ARG2: variants seen among roughly 807,000 people sequenced by gnomAD.
ARG2 encodes arginase 2, also known as arginase-2, mitochondrial.
Under a neutral mutation model 39.4 loss-of-function variants are expected in ARG2, and 21 were observed. The observed-to-expected ratio is 0.53, with a 90% CI of 0.38 to 0.77. ARG2 has a LOEUF of 0.77. Ranked by LOEUF, ARG2 falls within the 30% of genes least tolerant of loss-of-function variation. The probability of loss-of-function intolerance (pLI) is 0.00; values close to 1 mark genes in which losing one functional copy is unlikely to be tolerated. For synonymous variants in ARG2, 150 were observed against 156.7 expected (o/e 0.96, Z 0.32); for missense variants, 378 against 426.2 (o/e 0.89, Z 1.00).
At chr14:67,646,869 T>G in intron 5 of ARG2, 52 bp from the exon 6 acceptor site, 1 of 1,423,466 alleles carries the variant, frequency 7.0e-7, no homozygotes, top group South Asian at 1.2e-5. Flanking sequence ...AATACATATT[T>G]GTTAAAAATG....
chr14:67,651,024 A>T lies in ARG2; in HGVS notation c.*104A>T. 3 of 1,195,128 alleles carry T rather than the reference A, an allele frequency of 2.5e-6. No individual in the cohort carries two copies. The highest frequency in any genetic ancestry group is 2.0e-5 in the Admixed American group (1 of 49,920). The allele number at this position is 1,195,128 out of a possible 1,614,324, so 74.0% of individuals were successfully genotyped here. ...GGTTGTCTGGGTCAATACTGCCTTA[A>T]TGAGAACATTTACACATTCTCACAA... On this transcript the variant is annotated 3_prime_UTR_variant, in exon 8 of 8. Transcript: ENST00000261783.
rs1216784181 is a variant in ARG2 at position 67,645,867 on chromosome 14, T to TC, written c.522+66dup. On this transcript the variant is annotated intron_variant, in intron 4 of 7. Transcript: ENST00000261783. ...AGGGTTTTGCTGGAGTTGGTCTAGT[T>TC]CAGTTAAGATTTTGGTGAAGGGTGG... 193 of 1,566,714 alleles carry TC rather than the reference T, an allele frequency of 1.2e-4. 1 individual carries two copies. The highest frequency in any genetic ancestry group is 3.2e-5 in the Non-Finnish European group (37 of 1,151,438).
intron 1 of ARG2, 108 bp from the exon 2 acceptor site, chr14:67,620,786 G>A (rs1360234285): frequency 6.8e-6 from 7 of 1,025,856 alleles, no homozygotes; most frequent in African/African-American, 6.4e-5. Flanking sequence ...TGGAAGGGCT[G>A]ATGCTGTCAC....
At chr14:67,637,410 CAA>C (rs34746542) in intron 2 of ARG2, among the ~76,000 whole-genome samples, 9,689 of 102,256 alleles carry the variant, frequency 0.095, 215 homozygotes, top group South Asian at 0.25. Context: ...GACTCTGTCT[CAA>C]AAAAAAAAAA....
rs915934412 is a variant in ARG2 at position 67,625,406 on chromosome 14, C to T, written c.184+4440C>T. Among the ~76,000 whole-genome samples the T allele has an allele frequency of 6.6e-5, 10 of 152,204 alleles. 1 individual carries two copies. In the South Asian group the frequency reaches 1.0e-3, roughly 16 times the overall value. ...CTATTAAGAAAGTGGGGGCCAGGCA[C>T]GGTGGCTCACGCCTGTAATCCCAGC... On this transcript the variant is annotated intron_variant, in intron 2 of 7. Transcript: ENST00000261783.
chr14:67,642,793 CTTTTTTTTTTTTTTT>C (rs869215946), intron 3 of ARG2, among the ~76,000 whole-genome samples: 9 of 75,558 alleles, frequency 1.2e-4, no homozygotes, highest in African/African-American at 3.8e-4. Context: ...ACTACATTTT[CTTTTTTTTTTTTTTT>C]TTTTTTTTTT....
intron 2 of ARG2, among the ~76,000 whole-genome samples, chr14:67,639,261 G>C (rs2037005021): frequency 6.6e-6 from 1 of 152,122 alleles, no homozygotes; most frequent in Non-Finnish European, 1.5e-5. Context: ...TTGCATGATT[G>C]GACTTGGGTA....
chr14:67,620,589 T>C (rs530954981), intron 1 of ARG2, among the ~76,000 whole-genome samples: 2 of 152,156 alleles, frequency 1.3e-5, no homozygotes, highest in Non-Finnish European at 2.9e-5. Flanking sequence ...AGCTGTTTTG[T>C]TCTCTTCAAT....
At chr14:67,631,568 TG>T (rs2036919717) in intron 2 of ARG2, among the ~76,000 whole-genome samples, 1 of 151,776 alleles carries the variant, frequency 6.6e-6, no homozygotes, top group South Asian at 2.1e-4. Context: ...CCCAAGTAGC[TG>T]GAACTACAGG....
chr14:67,629,716 A>T (rs182559205), intron 2 of ARG2, among the ~76,000 whole-genome samples: 5 of 152,348 alleles, frequency 3.3e-5, no homozygotes, highest in African/African-American at 1.2e-4. Flanking sequence ...TTTATAGTTA[A>T]TAACGAATGC....
chr14:67,620,718 G>T (rs537352249), intron 1 of ARG2, among the ~76,000 whole-genome samples, 176 bp from the exon 2 acceptor site: 1 of 152,234 alleles, frequency 6.6e-6, no homozygotes, highest in African/African-American at 2.4e-5. Flanking sequence ...AGCCTCTCCC[G>T]TCTTGGCTTG....
intron 2 of ARG2, among the ~76,000 whole-genome samples, chr14:67,627,187 G>T (rs889919028): frequency 1.3e-5 from 2 of 149,520 alleles, no homozygotes; most frequent in African/African-American, 2.5e-5. Flanking sequence ...AATTCTAAAA[G>T]GATGAATTTT....
At chr14:67,637,772 T>G (rs1057505858) in intron 2 of ARG2, among the ~76,000 whole-genome samples, 4 of 152,224 alleles carry the variant, frequency 2.6e-5, no homozygotes, top group Admixed American at 6.5e-5. Context: ...CTTTCATATT[T>G]TGTTCTTAAA....
At chr14:67,630,061 C>T (rs1249276767) in intron 2 of ARG2, among the ~76,000 whole-genome samples, 1 of 152,204 alleles carries the variant, frequency 6.6e-6, no homozygotes, top group Non-Finnish European at 1.5e-5. Flanking sequence ...TCTCATGATC[C>T]TCAAGCTCAT....
intron 7 of ARG2, 143 bp downstream of exon 7, chr14:67,648,326 C>A: frequency 1.1e-6 from 1 of 888,382 alleles, no homozygotes; most frequent in East Asian, 2.7e-5. Flanking sequence ...AATTATATGG[C>A]CATGCTAATA....
At chr14:67,644,545 C>A (rs548837300) in intron 3 of ARG2, among the ~76,000 whole-genome samples, 28 of 152,336 alleles carry the variant, frequency 1.8e-4, no homozygotes, top group African/African-American at 6.5e-4. Flanking sequence ...TCCTAAGATG[C>A]TTAAGCTGCA....
chr14:67,625,987 C>T (rs2140716848), intron 2 of ARG2, among the ~76,000 whole-genome samples: 1 of 152,192 alleles, frequency 6.6e-6, no homozygotes, highest in East Asian at 1.9e-4. Context: ...GGTGTGGCGG[C>T]TTACACCTGT....
chr14:67,624,516 C>T (rs566812418), intron 2 of ARG2, among the ~76,000 whole-genome samples: 2 of 152,274 alleles, frequency 1.3e-5, no homozygotes, highest in South Asian at 4.1e-4. Flanking sequence ...GGGAAGCAAG[C>T]ACGTCTTATA....
At position 67,651,372 on chromosome 14, in the gene ARG2, T is replaced by C. The variant is rs374547962; in HGVS notation, c.*452T>C. 6 of 1,613,400 alleles carry C rather than the reference T, an allele frequency of 3.7e-6. No homozygotes were observed. In the African/African-American group the frequency reaches 8.0e-5, roughly 22 times the overall value. The stretch of plus-strand genomic sequence containing the variant: ...GTCAAAGTTCTGGTCCACAAACCCT[T>C]CCCTATAGAAGTTCAATGGCTGCGA... On this transcript the variant is annotated 3_prime_UTR_variant, in exon 8 of 8. Transcript: ENST00000261783.
Sources: allele counts gnomAD v4.1 joint callset (sites outside exome capture counted in the v4.1 genomes callset), GRCh38; gene constraint gnomAD v4.1.1; transcripts MANE v1.5; gene names NCBI Gene and HGNC (gene_info 2026-07-23, HGNC 2026-07-21).